Variants in PCDH9 observed in about 807,000 individuals in gnomAD.
The protein encoded by PCDH9 is protocadherin 9.
A neutral mutation model predicts 70.6 loss-of-function variants in PCDH9; 24 were observed. That is an observed-to-expected ratio of 0.34 (90% confidence interval 0.25 to 0.48). The LOEUF (loss-of-function observed/expected upper bound fraction) is 0.48, where lower values mean the gene tolerates loss of function less well. PCDH9 is among the 20% of genes least tolerant of loss of function. PCDH9 has a pLI of 0.99. For missense variants in PCDH9, 1,281 were observed against 1,503.6 expected, an observed-to-expected ratio of 0.85 and a Z score of 2.45; for synonymous variants, 562 against 558.5, an observed-to-expected ratio of 1.01 and a Z score of -0.09.
chr13:67,000,060 T>C (rs2084207146), intron 2 of PCDH9, among the ~76,000 whole-genome samples: 1 of 152,008 alleles, frequency 6.6e-6, no homozygotes, highest in African/African-American at 2.4e-5. Flanking sequence ...CTATTCACAA[T>C]AGCAAAGATT....
chr13:67,167,521 A>T (rs1351441188), intron 2 of PCDH9, among the ~76,000 whole-genome samples: 1 of 152,196 alleles, frequency 6.6e-6, no homozygotes, highest in Non-Finnish European at 1.5e-5. Flanking sequence ...TTCCTTAACC[A>T]TAGAAAAGCT....
chr13:67,058,390 A>G (rs1003104429), intron 2 of PCDH9, among the ~76,000 whole-genome samples: 2 of 152,110 alleles, frequency 1.3e-5, no homozygotes, highest in Non-Finnish European at 1.5e-5. Flanking sequence ...CTCCTGTGCC[A>G]AGTGTGCACG....
intron 4 of PCDH9, among the ~76,000 whole-genome samples, chr13:66,593,920 ATAT>A (rs1468432037): frequency 3.5e-5 from 4 of 115,344 alleles, no homozygotes; most frequent in African/African-American, 1.1e-4. Context: ...GAAGAGGTTA[ATAT>A]TATTATATAT....
At chr13:66,410,881 T>G (rs1350581023) in intron 4 of PCDH9, among the ~76,000 whole-genome samples, 1 of 152,188 alleles carries the variant, frequency 6.6e-6, no homozygotes, top group Non-Finnish European at 1.5e-5. Flanking sequence ...CTGGAAAACT[T>G]CTAAGAAATG....
intron 4 of PCDH9, among the ~76,000 whole-genome samples, chr13:66,326,646 T>C (rs1345278331): frequency 6.6e-6 from 1 of 152,086 alleles, no homozygotes; most frequent in East Asian, 1.9e-4. Context: ...CTCCAACTCC[T>C]GGCCTCAGGT....
intron 4 of PCDH9, among the ~76,000 whole-genome samples, chr13:66,614,232 G>A (rs1041661613): frequency 6.6e-6 from 1 of 152,176 alleles, no homozygotes; most frequent in Non-Finnish European, 1.5e-5. Flanking sequence ...TTAAAGGATT[G>A]TTTTTTGAGT....
At chr13:66,675,633 T>C (rs2078232523) in intron 3 of PCDH9, among the ~76,000 whole-genome samples, 1 of 152,148 alleles carries the variant, frequency 6.6e-6, no homozygotes, top group South Asian at 2.1e-4. Flanking sequence ...GAGCTTCAGA[T>C]GCCTTTTCCC....
chr13:66,794,102 T>A (rs1278403501), intron 3 of PCDH9, among the ~76,000 whole-genome samples: 1 of 152,194 alleles, frequency 6.6e-6, no homozygotes, highest in Non-Finnish European at 1.5e-5. Context: ...AATAATTCTC[T>A]TTGTTATTTT....
rs187287431 is a variant in PCDH9, at chr13:66,958,172, G to A, written c.3037-54567C>T. On this transcript the variant is annotated intron_variant, in intron 2 of 4. Transcript: ENST00000377865. Reference sequence around the variant, plus strand: ...AACACAAAAGTGAATTTGACGGAGCGTACAATATGGTTGTAGCAGAGCAAC... The same window carrying A: ...AACACAAAAGTGAATTTGACGGAGCATACAATATGGTTGTAGCAGAGCAAC... 1.4e-4 allele frequency among the ~76,000 whole-genome samples: 21 copies of A among 152,230 alleles called. No homozygotes were observed. In the South Asian group the frequency reaches 1.7e-3, roughly 12 times the overall value.
chr13:66,975,505 TTAAG>T (rs2083601291), intron 2 of PCDH9, among the ~76,000 whole-genome samples: 1 of 152,028 alleles, frequency 6.6e-6, no homozygotes. Context: ...CACAGATACA[TTAAG>T]TAATTTTCCC....
chr13:66,917,195 G>A (rs1266958088), intron 2 of PCDH9, among the ~76,000 whole-genome samples: 1 of 151,398 alleles, frequency 6.6e-6, no homozygotes, highest in African/African-American at 2.4e-5. Flanking sequence ...AACAACTTTT[G>A]CTCAATTTAT....
chr13:66,326,255 T>C (rs1955842219), intron 4 of PCDH9, among the ~76,000 whole-genome samples: 1 of 152,156 alleles, frequency 6.6e-6, no homozygotes, highest in Non-Finnish European at 1.5e-5. Flanking sequence ...AGCAGTGTTC[T>C]CTTGACTGTG....
chr13:66,720,562 A>G (rs2078929530), intron 3 of PCDH9, among the ~76,000 whole-genome samples: 1 of 152,130 alleles, frequency 6.6e-6, no homozygotes, highest in Non-Finnish European at 1.5e-5. Context: ...TTTATAAAAA[A>G]TGGACACTTT....
chr13:66,676,264 C>T (rs896090814), intron 3 of PCDH9, among the ~76,000 whole-genome samples: 1 of 152,022 alleles, frequency 6.6e-6, no homozygotes, highest in Non-Finnish European at 1.5e-5. Context: ...AAAGTATTTG[C>T]CTCATTTTAA....
chr13:66,714,562 A>T (rs767114432), intron 3 of PCDH9, among the ~76,000 whole-genome samples: 63 of 152,104 alleles, frequency 4.1e-4, no homozygotes, highest in Non-Finnish European at 8.1e-4. Context: ...TATTAATATT[A>T]GTAATAAATT....
At chr13:66,988,910 C>G (rs1052619884) in intron 2 of PCDH9, among the ~76,000 whole-genome samples, 1 of 151,908 alleles carries the variant, frequency 6.6e-6, no homozygotes, top group Admixed American at 6.6e-5. Context: ...TGAAGACAAC[C>G]AGATGATGTG....
rs1956028024 is a variant in PCDH9, at chr13:66,335,824, A to G, written c.3341-30796T>C. On this transcript the variant is annotated intron_variant, in intron 4 of 4. Transcript: ENST00000377865. ...TTGACTATTTTCTTCATAAACCAGT[A>G]ACATATTAGTATAAAGTACACGGGG... Among the ~76,000 whole-genome samples the G allele has an allele frequency of 2.6e-5, 4 of 152,258 alleles. No individual in the cohort carries two copies. The South Asian group carries it at 6.2e-4, about 24-fold the overall frequency.
At chr13:67,106,411 T>G (rs1004545871) in intron 2 of PCDH9, among the ~76,000 whole-genome samples, 1 of 152,256 alleles carries the variant, frequency 6.6e-6, no homozygotes, top group Admixed American at 6.5e-5. Flanking sequence ...CTGGACTTGT[T>G]CTGTATTTAA....
intron 2 of PCDH9, among the ~76,000 whole-genome samples, chr13:66,968,420 T>C (rs2083464534): frequency 6.6e-6 from 1 of 152,002 alleles, no homozygotes; most frequent in Admixed American, 6.6e-5. Context: ...CATCACAGCA[T>C]GACTCATAGT....
Sources: gnomAD v4.1 joint callset for allele counts (sites outside exome capture counted in the v4.1 genomes callset) on GRCh38, gnomAD v4.1.1 for gene constraint, MANE v1.5 for transcripts, NCBI Gene and HGNC (gene_info 2026-07-23, HGNC 2026-07-21) for gene names.